The following CNBD1 variants were observed in gnomAD, a reference collection of about 807,000 sequenced individuals.
The protein encoded by CNBD1 is cyclic nucleotide binding domain containing 1, also known as cyclic nucleotide-binding domain-containing protein 1.
A neutral mutation model predicts 54.4 loss-of-function variants in CNBD1; 71 were observed. That is an observed-to-expected ratio of 1.30 (90% CI 1.08 to 1.59). The LOEUF (loss-of-function observed/expected upper bound fraction) is 1.59. Among genes scored for constraint, CNBD1 ranks in the 40% most tolerant of loss-of-function variants. The pLI is 0.00. For missense variants in CNBD1, 659 were observed against 518.0 expected (o/e 1.27, Z -2.64); for synonymous variants, 182 against 170.7 (o/e 1.07, Z -0.51).
intron 4 of CNBD1, among the ~76,000 whole-genome samples, chr8:86,951,515 G>T (rs1807621013): frequency 7.6e-6 from 1 of 132,394 alleles, no homozygotes; most frequent in Admixed American, 8.7e-5. Flanking sequence ...GGGAGGCAGA[G>T]GTTTCAGTGA....
rs1374976352 is a variant in CNBD1 at position 87,228,307 on chromosome 8, G to A, written c.578-8612G>A. On this transcript the variant is annotated intron_variant, in intron 5 of 10. Coordinates refer to ENST00000518476, the MANE Select transcript of CNBD1 (RefSeq NM_173538.3). The stretch of plus-strand genomic sequence containing the variant: ...GATGAGCTGCATTCCTTTGGAGGAG[G>A]AGAGGCACTCTGATTTTTAGAGTTT... 4.3e-4 allele frequency among the ~76,000 whole-genome samples: 65 copies of A among 151,406 alleles called. 1 individual carries two copies. The highest frequency in any genetic ancestry group is 1.5e-3 in the African/African-American group (60 of 40,752).
intron 3 of CNBD1, among the ~76,000 whole-genome samples, chr8:86,928,277 T>C (rs557734700): frequency 6.6e-6 from 1 of 152,290 alleles, no homozygotes; most frequent in East Asian, 1.9e-4. Flanking sequence ...TCATATGGAC[T>C]TACCCCCATT....
intron 1 of CNBD1, among the ~76,000 whole-genome samples, chr8:86,884,165 A>C (rs1808645624): frequency 6.7e-6 from 1 of 149,812 alleles, no homozygotes. Flanking sequence ...ACAAAACAAA[A>C]CAAAACAAAA....
intron 10 of CNBD1, among the ~76,000 whole-genome samples, chr8:87,372,349 A>G (rs1005727309): frequency 6.6e-6 from 1 of 151,966 alleles, no homozygotes; most frequent in Non-Finnish European, 1.5e-5. Flanking sequence ...TCCTACTTGC[A>G]GTTTTCACTG....
At chr8:87,156,168 G>T (rs1040563542) in intron 4 of CNBD1, among the ~76,000 whole-genome samples, 2 of 150,866 alleles carry the variant, frequency 1.3e-5, no homozygotes, top group African/African-American at 4.9e-5. Flanking sequence ...CTTCATAGAT[G>T]TGAAATAGAA....
chr8:87,013,749 A>G (rs1809272976), intron 4 of CNBD1, among the ~76,000 whole-genome samples: 2 of 151,510 alleles, frequency 1.3e-5, no homozygotes, highest in Admixed American at 1.3e-4. Context: ...ATGCATGTGT[A>G]TATTTAAAGG....
At chr8:87,098,481 C>T (rs987878632) in intron 4 of CNBD1, among the ~76,000 whole-genome samples, 3 of 152,058 alleles carry the variant, frequency 2.0e-5, no homozygotes, top group Non-Finnish European at 4.4e-5. Flanking sequence ...TTAATCCCAG[C>T]TGGGGTTAAG....
intron 4 of CNBD1, among the ~76,000 whole-genome samples, chr8:86,945,136 T>C (rs551593709): frequency 2.0e-5 from 3 of 152,116 alleles, no homozygotes; most frequent in Admixed American, 1.3e-4. Flanking sequence ...TCTTCATAAA[T>C]GACTAATTTC....
intron 4 of CNBD1, among the ~76,000 whole-genome samples, chr8:87,205,200 C>A (rs1054457682): frequency 1.3e-5 from 2 of 151,968 alleles, no homozygotes; most frequent in African/African-American, 4.8e-5. Flanking sequence ...AACTGCTGAG[C>A]ATTTTGTATT....
At chr8:87,141,590 A>C (rs1812370635) in intron 4 of CNBD1, among the ~76,000 whole-genome samples, 1 of 151,998 alleles carries the variant, frequency 6.6e-6, no homozygotes, top group Non-Finnish European at 1.5e-5. Context: ...AGTACAGCTT[A>C]TTTCAGTGGT....
chr8:87,425,702 A>G (rs1028073958), intron 2 of CNBD1, among the ~76,000 whole-genome samples: 2 of 152,008 alleles, frequency 1.3e-5, no homozygotes, highest in Admixed American at 1.3e-4. Flanking sequence ...GCGTGCTGGG[A>G]GAACCACTGC....
At chr8:87,223,699 C>T (rs1814403126) in intron 5 of CNBD1, among the ~76,000 whole-genome samples, 1 of 152,004 alleles carries the variant, frequency 6.6e-6, no homozygotes, top group Non-Finnish European at 1.5e-5. Flanking sequence ...CCGCAATAAA[C>T]ATACGTGTGC....
intron 2 of CNBD1, 91 bp downstream of exon 2, chr8:86,887,702 G>C: frequency 1.2e-6 from 1 of 856,726 alleles, no homozygotes; most frequent in Non-Finnish European, 1.8e-6. Context: ...ACCATTGCTG[G>C]CTCTCAGAGG....
intron 8 of CNBD1, among the ~76,000 whole-genome samples, chr8:87,328,761 A>G (rs939194587): frequency 6.6e-6 from 1 of 152,074 alleles, no homozygotes; most frequent in African/African-American, 2.4e-5. Flanking sequence ...TTATTTATTT[A>G]TGCCCTCTTT....
intron 3 of CNBD1, among the ~76,000 whole-genome samples, chr8:86,937,086 GACTA>G (rs1809562765): frequency 6.6e-6 from 1 of 152,152 alleles, no homozygotes; most frequent in East Asian, 1.9e-4. Flanking sequence ...AGGTTTAGTT[GACTA>G]ACAGTTCCAC....
rs988464037 is a variant in CNBD1, at chr8:87,141,028, C to T, written c.432-64965C>T. ...GTTTCCTAAAGTTTTTACTTCTGAA[C>T]ATTAATAAAATATTCTGTCAACGTT... is the stretch of plus-strand genomic sequence containing the variant. On this transcript the variant is annotated intron_variant, in intron 4 of 10. Transcript: ENST00000518476. Among the ~76,000 whole-genome samples the T allele has an allele frequency of 1.2e-4, 18 of 152,212 alleles. 1 individual carries two copies. The highest frequency in any genetic ancestry group is 4.3e-4 in the African/African-American group (18 of 41,542).
intron 8 of CNBD1, among the ~76,000 whole-genome samples, chr8:87,335,571 A>G (rs776633385): frequency 6.6e-6 from 1 of 151,780 alleles, no homozygotes; most frequent in Non-Finnish European, 1.5e-5. Flanking sequence ...ATTTTCCTCC[A>G]TCCCTTTATT....
chr8:87,116,494 A>C (rs1015757362), intron 4 of CNBD1, among the ~76,000 whole-genome samples: 1 of 152,148 alleles, frequency 6.6e-6, no homozygotes, highest in Non-Finnish European at 1.5e-5. Context: ...GATTACAGGC[A>C]TAAGCCACTG....
chr8:87,032,341 T>C (rs1010498962), intron 4 of CNBD1, among the ~76,000 whole-genome samples: 2 of 152,184 alleles, frequency 1.3e-5, no homozygotes, highest in African/African-American at 2.4e-5. Flanking sequence ...TTACTAATTA[T>C]ATAAACAGTC....
Sources: allele counts gnomAD v4.1 joint callset (sites outside exome capture counted in the v4.1 genomes callset), GRCh38; gene constraint gnomAD v4.1.1; transcripts MANE v1.5; gene names NCBI Gene and HGNC (gene_info 2026-07-23, HGNC 2026-07-21).